RBMS1: variants seen among roughly 807,000 people sequenced by gnomAD.
The protein encoded by RBMS1 is RNA binding motif single stranded interacting protein 1, also known as RNA-binding motif, single-stranded-interacting protein 1.
RBMS1 carries 17 observed loss-of-function variants against 62.3 expected under a neutral mutation model. The observed-to-expected ratio is 0.27, with a 90% CI of 0.19 to 0.41. The LOEUF is 0.41. RBMS1 is among the 10% of genes least tolerant of loss of function. The probability of loss-of-function intolerance (pLI) is 1.00; values close to 1 mark genes in which losing one functional copy is unlikely to be tolerated. For synonymous variants in RBMS1, 172 were observed against 170.0 expected (o/e 1.01, Z -0.09); for missense variants, 334 against 504.5 (o/e 0.66, Z 3.24).
intron 1 of RBMS1, among the ~76,000 whole-genome samples, chr2:160,448,978 C>T (rs1574072895): frequency 6.6e-6 from 1 of 151,746 alleles, no homozygotes; most frequent in African/African-American, 2.4e-5. Context: ...TGTCTCTGCC[C>T]GACCGCCACC....
intron 1 of RBMS1, among the ~76,000 whole-genome samples, chr2:160,451,464 T>C (rs1347725529): frequency 6.6e-6 from 1 of 152,136 alleles, no homozygotes; most frequent in Non-Finnish European, 1.5e-5. Context: ...TAATCTATAT[T>C]TGGATTAAAA....
intron 1 of RBMS1, among the ~76,000 whole-genome samples, chr2:160,453,887 A>G (rs1258683973): frequency 2.0e-5 from 3 of 152,178 alleles, no homozygotes; most frequent in Non-Finnish European, 4.4e-5. Context: ...ACCTTAGTTC[A>G]TGATAGTTTT....
At chr2:160,287,186 T>C (rs1321882965) in intron 6 of RBMS1, 102 bp from the exon 7 acceptor site, 1 of 1,480,924 alleles carries the variant, frequency 6.8e-7, no homozygotes, top group African/African-American at 1.4e-5. Flanking sequence ...TATTAGAAAA[T>C]TCATACAACA....
chr2:160,483,359 A>G, intron 1 of RBMS1, among the ~76,000 whole-genome samples: 1 of 152,226 alleles, frequency 6.6e-6, no homozygotes, highest in Non-Finnish European at 1.5e-5. Flanking sequence ...TCTCATTAGG[A>G]GTATACATTT....
At chr2:160,485,136 A>G (rs1256585559) in intron 1 of RBMS1, among the ~76,000 whole-genome samples, 6 of 152,148 alleles carry the variant, frequency 3.9e-5, no homozygotes, top group African/African-American at 1.4e-4. Context: ...TAGGGGGAAA[A>G]GGGAACGAGT....
intron 6 of RBMS1, among the ~76,000 whole-genome samples, chr2:160,291,796 C>T (rs1442709204): frequency 6.6e-6 from 1 of 152,146 alleles, no homozygotes. Context: ...CCTCACTTCC[C>T]AACCCATCAA....
chr2:160,400,280 T>C (rs546010689), intron 1 of RBMS1, among the ~76,000 whole-genome samples: 2 of 151,808 alleles, frequency 1.3e-5, no homozygotes, highest in South Asian at 4.2e-4. Context: ...AGGGAAAAGC[T>C]TGCACATGTA....
At chr2:160,281,562 A>C (rs1688106263) in intron 9 of RBMS1, 198 bp from the exon 10 acceptor site, 1 of 457,752 alleles carries the variant, frequency 2.2e-6, no homozygotes, top group Admixed American at 3.9e-5. Context: ...ATTATTTAGA[A>C]ACAATTTCTA....
chr2:160,373,308 G>A (rs1693830796), intron 1 of RBMS1, among the ~76,000 whole-genome samples: 1 of 152,138 alleles, frequency 6.6e-6, no homozygotes, highest in Admixed American at 6.5e-5. Flanking sequence ...CTTTACCTAA[G>A]TTCATGAATA....
intron 1 of RBMS1, among the ~76,000 whole-genome samples, chr2:160,438,957 G>T (rs1683253190): frequency 6.7e-6 from 1 of 149,786 alleles, no homozygotes. Context: ...CTTCCCAGTA[G>T]GGGCGGCCGG....
At chr2:160,277,581 A>C (rs2105928384) in intron 11 of RBMS1, 198 bp from the exon 12 acceptor site, 1 of 406,958 alleles carries the variant, frequency 2.5e-6, no homozygotes. Flanking sequence ...TGAATCTGCT[A>C]AACTAAAAAT....
At chr2:160,387,252 G>C (rs1348486902) in intron 1 of RBMS1, among the ~76,000 whole-genome samples, 1 of 152,084 alleles carries the variant, frequency 6.6e-6, no homozygotes, top group Non-Finnish European at 1.5e-5. Context: ...GCTAGTAAAT[G>C]GGAAAAGACT....
intron 1 of RBMS1, among the ~76,000 whole-genome samples, chr2:160,461,226 G>A (rs914199598): frequency 6.6e-6 from 1 of 151,962 alleles, no homozygotes; most frequent in Non-Finnish European, 1.5e-5. Flanking sequence ...TTCAGCCTGG[G>A]CAACAGAGCA....
intron 1 of RBMS1, among the ~76,000 whole-genome samples, chr2:160,384,266 T>C (rs1694453140): frequency 6.6e-6 from 1 of 152,224 alleles, no homozygotes; most frequent in Non-Finnish European, 1.5e-5. Flanking sequence ...GAATTTTCTT[T>C]ATGGCATAGA....
intron 1 of RBMS1, among the ~76,000 whole-genome samples, chr2:160,397,423 C>T (rs1695206521): frequency 6.6e-6 from 1 of 152,100 alleles, no homozygotes; most frequent in South Asian, 2.1e-4. Context: ...TTCTGAGGAG[C>T]CCTTTCCTGT....
intron 1 of RBMS1, among the ~76,000 whole-genome samples, chr2:160,426,474 T>C (rs1309403689): frequency 1.3e-5 from 2 of 152,196 alleles, no homozygotes; most frequent in East Asian, 3.8e-4. Context: ...AAAAATTAGA[T>C]TATCCTTTAT....
intron 2 of RBMS1, among the ~76,000 whole-genome samples, chr2:160,354,326 T>G (rs1333454088): frequency 6.6e-6 from 1 of 152,106 alleles, no homozygotes; most frequent in Non-Finnish European, 1.5e-5. Context: ...AAACTTAAAC[T>G]AAGGGTAATG....
At chr2:160,390,873 C>T (rs1694830289) in intron 1 of RBMS1, among the ~76,000 whole-genome samples, 1 of 122,652 alleles carries the variant, frequency 8.2e-6, no homozygotes, top group South Asian at 2.7e-4. Context: ...CTTCTAACTG[C>T]AAGTTAAAAA....
chr2:160,436,405 A>G (rs1683113776), intron 1 of RBMS1, among the ~76,000 whole-genome samples: 1 of 152,250 alleles, frequency 6.6e-6, no homozygotes, highest in Non-Finnish European at 1.5e-5. Flanking sequence ...AAACCTTCCT[A>G]ATATTCTAGC....
Sources: gnomAD v4.1 joint callset for allele counts (sites outside exome capture counted in the v4.1 genomes callset) on GRCh38, gnomAD v4.1.1 for gene constraint, MANE v1.5 for transcripts, NCBI Gene and HGNC (gene_info 2026-07-23, HGNC 2026-07-21) for gene names.